The following POLDIP3 variants were observed in gnomAD, a reference collection of about 807,000 sequenced individuals.
POLDIP3 encodes DNA polymerase delta interacting protein 3.
Under a neutral mutation model 45.1 loss-of-function variants are expected in POLDIP3, and 14 were observed. The ratio of observed to expected loss-of-function variants is 0.31; its 90% confidence interval spans 0.20 to 0.49. The LOEUF (loss-of-function observed/expected upper bound fraction) is 0.49, where lower values mean the gene tolerates loss of function less well. Among genes scored for constraint, POLDIP3 ranks in the 20% least tolerant of loss-of-function variants. The pLI is 0.99. For missense variants in POLDIP3, 511 were observed against 538.8 expected, an observed-to-expected ratio of 0.95 and a Z score of 0.51; for synonymous variants, 223 against 205.2, an observed-to-expected ratio of 1.09 and a Z score of -0.74.
chr22:42,602,215 G>T, intron 2 of POLDIP3, 159 bp from the exon 3 acceptor site: 1 of 1,168,878 alleles, frequency 8.6e-7, no homozygotes, highest in Non-Finnish European at 1.2e-6. Flanking sequence ...AGTAACAGAA[G>T]AATCATCAAT....
chr22:42,591,452 T>A (rs779818388), intron 7 of POLDIP3, among the ~76,000 whole-genome samples: 1 of 152,202 alleles, frequency 6.6e-6, no homozygotes, highest in African/African-American at 2.4e-5. Flanking sequence ...ACTCAATACA[T>A]ACTGAAAGAA....
At chr22:42,605,327 C>G (rs1926654856) in intron 1 of POLDIP3, among the ~76,000 whole-genome samples, 1 of 152,236 alleles carries the variant, frequency 6.6e-6, no homozygotes, top group African/African-American at 2.4e-5. Context: ...TGGGGTTTCA[C>G]CGTGTTAGCC....
At chr22:42,595,451 G>A in intron 6 of POLDIP3, 86 bp downstream of exon 6, 1 of 1,196,662 alleles carries the variant, frequency 8.4e-7, no homozygotes. Flanking sequence ...AGTCCTAGCA[G>A]TCATCAAACC....
chr22:42,591,003 G>A (rs1011611700), intron 7 of POLDIP3, among the ~76,000 whole-genome samples: 3 of 151,924 alleles, frequency 2.0e-5, no homozygotes, highest in African/African-American at 7.3e-5. Flanking sequence ...GAACCGGGGA[G>A]GCGGAGGTTG....
At chr22:42,589,792 T>C (rs137095) in intron 7 of POLDIP3, among the ~76,000 whole-genome samples, 110,706 of 150,102 alleles carry the variant, frequency 0.74, 42,347 homozygotes, top group East Asian at 1. Context: ...TGCAGTGAGC[T>C]GAGATCATGC....
intron 7 of POLDIP3, among the ~76,000 whole-genome samples, chr22:42,588,474 A>G (rs1354691114): frequency 1.3e-5 from 2 of 148,436 alleles, no homozygotes; most frequent in African/African-American, 5.0e-5. Context: ...AAAAAAAAAA[A>G]GTAAAATGGA....
At chr22:42,607,627 G>T (rs1350920597) in intron 1 of POLDIP3, among the ~76,000 whole-genome samples, 1 of 150,490 alleles carries the variant, frequency 6.6e-6, no homozygotes, top group Admixed American at 6.6e-5. Context: ...AGTGAGGAGC[G>T]CCTCTTCCCG....
chr22:42,606,773 G>A lies in POLDIP3; in HGVS notation c.60-3613C>T, dbSNP rs1212156319. Among the ~76,000 whole-genome samples, 3 of 152,104 alleles carry A rather than the reference G, an allele frequency of 2.0e-5. No individual in the cohort carries two copies. In the East Asian group the frequency reaches 5.8e-4, roughly 29 times the overall value. ...GCCCAGCTTTAGACGTCCTTTAAAT[G>A]TTACAACCCCGTGAATCAGGTTATT... On this transcript the variant is annotated intron_variant, in intron 1 of 8. Coordinates refer to ENST00000252115, the MANE Select transcript of POLDIP3 (RefSeq NM_032311.5).
In POLDIP3 at chr22:42,596,340, G is replaced by A. The variant is rs1168108312; in HGVS notation, c.659C>T (p.Ser220Phe). The A allele has an allele frequency of 3.1e-6, 5 of 1,614,158 alleles. No homozygotes were observed. The East Asian group carries it at 1.1e-4, about 36-fold the overall frequency. The change falls in exon 5 of 9, where the codon TCC becomes TTC. Residue 220 changes from serine (S) to phenylalanine (F), a missense_variant. By Grantham distance (155) the Ser-to-Phe change is radical. Transcript: ENST00000252115. ...HMAGLSSSKL[S>F]MSKALPLTKV... ...GGTGAGAGGGAGGGCCTTGGACATG[G>A]AAAGCTTGGAACTGCTTAGCCCAGC... is the stretch of plus-strand genomic sequence containing the variant.
intron 7 of POLDIP3, among the ~76,000 whole-genome samples, chr22:42,590,241 T>C (rs2146803371): frequency 6.6e-6 from 1 of 152,264 alleles, no homozygotes; most frequent in East Asian, 1.9e-4. Context: ...CATTCCAGAG[T>C]GCAGTGGCAC....
At position 42,606,008 on chromosome 22, in the gene POLDIP3, G is replaced by T. The variant is rs562250448; in HGVS notation, c.60-2848C>A. Among the ~76,000 whole-genome samples, 13 of 152,280 alleles carry T rather than the reference G, an allele frequency of 8.5e-5. 1 individual carries two copies. The South Asian group carries it at 2.5e-3, about 29-fold the overall frequency. On this transcript the variant is annotated intron_variant, in intron 1 of 8. Coordinates refer to ENST00000252115, the MANE Select transcript of POLDIP3 (RefSeq NM_032311.5). The stretch of plus-strand genomic sequence containing the variant: ...AATACAAAAATTAGCCAGACGTGGT[G>T]GCACGCGCCTATAATCCTAGCTACT...
intron 6 of POLDIP3, among the ~76,000 whole-genome samples, chr22:42,593,709 G>C (rs990888346): frequency 1.3e-5 from 2 of 152,160 alleles, no homozygotes; most frequent in Non-Finnish European, 2.9e-5. Context: ...AGTAGAGACA[G>C]GGTTTTGCCA....
chr22:42,614,205 G>T, intron 1 of POLDIP3, among the ~76,000 whole-genome samples: 1 of 152,102 alleles, frequency 6.6e-6, no homozygotes. Context: ...GTAAAAGGTG[G>T]GTAACATGAA....
chr22:42,587,081 T>C (rs1037038612), intron 8 of POLDIP3, among the ~76,000 whole-genome samples: 8 of 140,850 alleles, frequency 5.7e-5, no homozygotes, highest in African/African-American at 1.8e-4. Flanking sequence ...TCAAAATAAC[T>C]GAAAAAGCAA....
rs372712553 is a variant in POLDIP3, at chr22:42,601,951, TCTCA to T, written c.537+15_537+18del. 18 of 1,608,644 alleles carry T rather than the reference TCTCA, an allele frequency of 1.1e-5. No individual in the cohort carries two copies. The highest frequency in any genetic ancestry group is 4.0e-5 in the African/African-American group (3 of 74,722). The stretch of plus-strand genomic sequence containing the variant: ...TGTACACACAGATTCTCTCTCTCTC[TCTCA>T]CTCACTCACTCTACCTGTTTGGCCT... On this transcript the variant is annotated intron_variant, in intron 3 of 8. Coordinates refer to ENST00000252115, the MANE Select transcript of POLDIP3 (RefSeq NM_032311.5).
At position 42,585,739 on chromosome 22, in the gene POLDIP3, G is replaced by GA. The variant is rs1233075804; in HGVS notation, c.*51dup. ...CATTGGTCATAAGCTTTGCCTTGGG[G>GA]AAACAGAGCCACCCTCCTCTGCCCC... is the stretch of plus-strand genomic sequence containing the variant. On this transcript the variant is annotated 3_prime_UTR_variant, in exon 9 of 9. Coordinates refer to ENST00000252115, the MANE Select transcript of POLDIP3 (RefSeq NM_032311.5). The GA allele has an allele frequency of 3.7e-5, 58 of 1,565,354 alleles. No individual in the cohort carries two copies. Among genetic ancestry groups the GA allele is most frequent in the Non-Finnish European group, 4.9e-5 (56 of 1,153,732 alleles).
chr22:42,601,664 G>A (rs964407021), intron 3 of POLDIP3, among the ~76,000 whole-genome samples: 29 of 152,220 alleles, frequency 1.9e-4, no homozygotes, highest in African/African-American at 6.8e-4. Flanking sequence ...AGGAGGCTGA[G>A]GCAGGAGAAT....
intron 1 of POLDIP3, among the ~76,000 whole-genome samples, chr22:42,609,028 T>A (rs577361401): frequency 6.6e-6 from 1 of 152,302 alleles, no homozygotes; most frequent in South Asian, 2.1e-4. Context: ...GCATTAGTCA[T>A]CGGAAATTTT....
intron 7 of POLDIP3, among the ~76,000 whole-genome samples, chr22:42,591,007 G>A (rs1392573263): frequency 6.6e-6 from 1 of 151,864 alleles, no homozygotes; most frequent in Non-Finnish European, 1.5e-5. Context: ...CGGGGAGGCG[G>A]AGGTTGCAGT....
Sources: allele counts gnomAD v4.1 joint callset (sites outside exome capture counted in the v4.1 genomes callset), GRCh38; gene constraint gnomAD v4.1.1; transcripts MANE v1.5; gene names NCBI Gene and HGNC (gene_info 2026-07-23, HGNC 2026-07-21).